Variants in ERC2 observed in about 807,000 individuals in gnomAD.
ERC2 encodes the protein ERC protein 2.
A neutral mutation model predicts 114.8 loss-of-function variants in ERC2; 42 were observed. The ratio of observed to expected loss-of-function variants is 0.37; its 90% CI spans 0.29 to 0.47. The LOEUF is 0.47. ERC2 is among the 20% of genes least tolerant of loss of function. The pLI is 0.99. For missense variants in ERC2, 939 were observed against 1,150.7 expected, an observed-to-expected ratio of 0.82 and a Z score of 2.66; for synonymous variants, 454 against 425.5, an observed-to-expected ratio of 1.07 and a Z score of -0.82.
intron 13 of ERC2, among the ~76,000 whole-genome samples, chr3:55,923,017 A>G (rs2065520981): frequency 6.6e-6 from 1 of 152,142 alleles, no homozygotes; most frequent in African/African-American, 2.4e-5. Flanking sequence ...CAGTCCATCA[A>G]TTCCACTCTG....
At chr3:55,631,820 CAATT>C (rs2148628665) in intron 17 of ERC2, among the ~76,000 whole-genome samples, 1 of 152,290 alleles carries the variant, frequency 6.6e-6, no homozygotes, top group South Asian at 2.1e-4. Flanking sequence ...GCAACAATAA[CAATT>C]AAAAAGTGCT....
chr3:56,139,320 C>T (rs2080710110), intron 6 of ERC2, among the ~76,000 whole-genome samples, 189 bp downstream of exon 6: 1 of 152,188 alleles, frequency 6.6e-6, no homozygotes, highest in African/African-American at 2.4e-5. Flanking sequence ...GTTGCTACAA[C>T]TTCACTTGCA....
At chr3:56,415,537 A>C (rs2061116283) in intron 2 of ERC2, among the ~76,000 whole-genome samples, 1 of 152,344 alleles carries the variant, frequency 6.6e-6, no homozygotes, top group Admixed American at 6.5e-5. Flanking sequence ...ATGAGTAAGG[A>C]AGCACTGTAG....
intron 17 of ERC2, among the ~76,000 whole-genome samples, chr3:55,584,829 G>A (rs1361694662): frequency 6.6e-6 from 1 of 152,216 alleles, no homozygotes; most frequent in Non-Finnish European, 1.5e-5. Context: ...AATCCACCAT[G>A]TAGTACTTGG....
chr3:55,769,435 A>C (rs1444220029), intron 14 of ERC2, among the ~76,000 whole-genome samples: 1 of 151,838 alleles, frequency 6.6e-6, no homozygotes, highest in Admixed American at 6.6e-5. Context: ...CTTAGGGGGA[A>C]CATCACAGGG....
chr3:55,780,663 AC>A (rs1176572860), intron 14 of ERC2, among the ~76,000 whole-genome samples: 1 of 152,250 alleles, frequency 6.6e-6, no homozygotes, highest in East Asian at 1.9e-4. Flanking sequence ...TGAGCATTTT[AC>A]AAGTGCATTT....
At chr3:56,096,720 G>A (rs2078087179) in intron 6 of ERC2, among the ~76,000 whole-genome samples, 1 of 152,172 alleles carries the variant, frequency 6.6e-6, no homozygotes, top group Non-Finnish European at 1.5e-5. Context: ...ACATGTGTGT[G>A]TGTTGTGTGC....
chr3:56,400,593 G>A (rs2060484482), intron 2 of ERC2, among the ~76,000 whole-genome samples: 1 of 152,084 alleles, frequency 6.6e-6, no homozygotes, highest in Admixed American at 6.5e-5. Context: ...TGAATTAAAA[G>A]GAGGAAAAGT....
At chr3:55,812,198 G>A (rs2059744458) in intron 14 of ERC2, among the ~76,000 whole-genome samples, 1 of 152,192 alleles carries the variant, frequency 6.6e-6, no homozygotes, top group East Asian at 1.9e-4. Flanking sequence ...TAAAGCAGGG[G>A]CCATGCCATT....
At chr3:56,214,074 G>C (rs2049275045) in intron 3 of ERC2, among the ~76,000 whole-genome samples, 2 of 152,194 alleles carry the variant, frequency 1.3e-5, no homozygotes, top group African/African-American at 4.8e-5. Context: ...CAGAAAAACT[G>C]TAAATTCTAA....
intron 17 of ERC2, among the ~76,000 whole-genome samples, chr3:55,630,245 C>T (rs923823163): frequency 2.0e-5 from 3 of 152,216 alleles, no homozygotes; most frequent in African/African-American, 7.2e-5. Context: ...TCTTGGCTCA[C>T]GGCAACCTCT....
At chr3:56,437,010 G>A (rs781156344) in intron 1 of ERC2, among the ~76,000 whole-genome samples, 1 of 152,134 alleles carries the variant, frequency 6.6e-6, no homozygotes, top group Non-Finnish European at 1.5e-5. Context: ...TTGCATTAAA[G>A]GTCTCAATCC....
intron 12 of ERC2, among the ~76,000 whole-genome samples, chr3:55,972,567 G>T (rs1203798297): frequency 6.6e-6 from 1 of 152,142 alleles, no homozygotes; most frequent in Non-Finnish European, 1.5e-5. Context: ...TGAGAATGAT[G>T]GTTTCCAGCT....
At chr3:55,825,646 A>T (rs2060295776) in intron 14 of ERC2, among the ~76,000 whole-genome samples, 1 of 152,212 alleles carries the variant, frequency 6.6e-6, no homozygotes, top group African/African-American at 2.4e-5. Flanking sequence ...TAGAACCATT[A>T]TTAATGTATA....
chr3:55,732,673 C>T (rs578100949), intron 15 of ERC2, among the ~76,000 whole-genome samples: 150 of 152,326 alleles, frequency 9.8e-4, no homozygotes, highest in Middle Eastern at 3.4e-3. Flanking sequence ...AGCAAAGTAT[C>T]TAAGAGAAAG....
intron 13 of ERC2, among the ~76,000 whole-genome samples, chr3:55,896,817 A>AG (rs2063862602): frequency 6.6e-6 from 1 of 152,252 alleles, no homozygotes; most frequent in African/African-American, 2.4e-5. Flanking sequence ...ATGTTGATTT[A>AG]GCTTAATCAA....
At chr3:55,700,621 T>C (rs2063174507) in intron 15 of ERC2, among the ~76,000 whole-genome samples, 1 of 152,216 alleles carries the variant, frequency 6.6e-6, no homozygotes, top group African/African-American at 2.4e-5. Context: ...CCTTTGTATG[T>C]GCTGCTTCCT....
intron 2 of ERC2, among the ~76,000 whole-genome samples, chr3:56,300,202 A>G (rs972583876): frequency 3.3e-5 from 5 of 151,724 alleles, no homozygotes; most frequent in Admixed American, 3.3e-4. Context: ...AAGGGAGCAG[A>G]GGAGAATGGA....
At chr3:55,634,323 T>G (rs1324524114) in intron 17 of ERC2, among the ~76,000 whole-genome samples, 4 of 152,250 alleles carry the variant, frequency 2.6e-5, no homozygotes, top group Non-Finnish European at 4.4e-5. Flanking sequence ...CTACTTGGGA[T>G]GTATGTAAAC....
Sources: gnomAD v4.1 joint callset for allele counts (sites outside exome capture counted in the v4.1 genomes callset) on GRCh38, gnomAD v4.1.1 for gene constraint, MANE v1.5 for transcripts, NCBI Gene and HGNC (gene_info 2026-07-23, HGNC 2026-07-21) for gene names.